Variants in TRAPPC10 observed in about 807,000 individuals in gnomAD.
TRAPPC10 encodes the protein TRAPP 130 kDa subunit.
TRAPPC10 carries 23 observed loss-of-function variants against 125.5 expected under a neutral mutation model. That is an observed-to-expected ratio of 0.18 (90% CI 0.13 to 0.26). The LOEUF is 0.26. TRAPPC10 is among the 10% of genes least tolerant of loss of function. The pLI is 1.00. For synonymous variants in TRAPPC10, 509 were observed against 518.0 expected, an observed-to-expected ratio of 0.98 and a Z score of 0.24; for missense variants, 1,123 against 1,308.4, an observed-to-expected ratio of 0.86 and a Z score of 2.19.
At position 44,079,966 on chromosome 21, in the gene TRAPPC10, C is replaced by G. The variant is rs201612561; in HGVS notation, c.1611-49C>G. On this transcript the variant is annotated intron_variant, in intron 12 of 22. Coordinates refer to ENST00000291574, the MANE Select transcript of TRAPPC10 (RefSeq NM_003274.5). Reference sequence around the variant, plus strand: ...AGGAGACTTTGCATCCACTTCCCCCCGCACTCCTAAGTATGAGCCTCTCCA... The same window carrying G: ...AGGAGACTTTGCATCCACTTCCCCCGGCACTCCTAAGTATGAGCCTCTCCA... 293 of 1,522,096 alleles carry G rather than the reference C, an allele frequency of 1.9e-4. 1 individual carries two copies. The highest frequency in any genetic ancestry group is 1.2e-3 in the East Asian group (52 of 44,068). The allele number at this position is 1,522,096 out of a possible 1,614,324, so 94.3% of individuals were successfully genotyped here.
chr21:44,068,319 C>T (rs143509189), intron 7 of TRAPPC10, among the ~76,000 whole-genome samples: 5 of 152,096 alleles, frequency 3.3e-5, no homozygotes, highest in South Asian at 2.1e-4. Context: ...CGGGAGAGTG[C>T]GTTTCAGGTG....
Position 44,087,607 on chromosome 21 carries a change from T to C in TRAPPC10, c.2540-92T>C. 8.8e-7 allele frequency: 1 copy of C among 1,136,578 alleles called. No homozygotes were observed. The highest frequency in any genetic ancestry group is 1.3e-6 in the Non-Finnish European group (1 of 772,562). The allele number at this position is 1,136,578 out of a possible 1,614,324, so 70.4% of individuals were successfully genotyped here. On this transcript the variant is annotated intron_variant, in intron 16 of 22. Transcript: ENST00000291574. This position sits in a 1 kb window ranked among gnomAD's most constrained non-coding sequence, Gnocchi z 4.6. ...CGCAGGAGCGGGAGAGGTTGAGCAG[T>C]GGCCTCACTGCTGGGCCATCACCTG...
chr21:44,012,708 C>CG (rs2031264036), intron 1 of TRAPPC10, 148 bp downstream of exon 1: 2 of 662,882 alleles, frequency 3.0e-6, no homozygotes, highest in East Asian at 7.3e-5. Flanking sequence ...GCGGCTGAGG[C>CG]GGGGCCCTCT....
intron 15 of TRAPPC10, among the ~76,000 whole-genome samples, chr21:44,086,400 G>T (rs1055510255): frequency 2.6e-5 from 4 of 152,182 alleles, no homozygotes; most frequent in African/African-American, 9.7e-5. Flanking sequence ...AGAAGGTTTT[G>T]AATATTTGAG....
At chr21:44,049,875 T>TTTC (rs1330298955) in intron 3 of TRAPPC10, among the ~76,000 whole-genome samples, 1 of 123,978 alleles carries the variant, frequency 8.1e-6, no homozygotes, top group South Asian at 2.6e-4. Flanking sequence ...GTTTTCTTTC[T>TTTC]TTCTTTTTTT....
chr21:44,100,877 C>G lies in TRAPPC10; in HGVS notation c.3347-1901C>G, dbSNP rs191446954. 4.2e-3 allele frequency among the ~76,000 whole-genome samples: 235 copies of G among 56,340 alleles called. 51 individuals carry two copies. Among genetic ancestry groups the G allele is most frequent in the African/African-American group, 7.6e-3 (204 of 26,732 alleles). 37.0% of individuals were successfully genotyped at this position (56,340 alleles called of 152,430 possible). Reference sequence around the variant, plus strand: ...AATTAAATCAAGAACCAACATTGGCCGGGTGCAGTGGCTCACGCCTGTAAT... The same window carrying G: ...AATTAAATCAAGAACCAACATTGGCGGGGTGCAGTGGCTCACGCCTGTAAT... On this transcript the variant is annotated intron_variant, in intron 21 of 22. Coordinates refer to ENST00000291574, the MANE Select transcript of TRAPPC10 (RefSeq NM_003274.5).
At chr21:44,027,297 C>G (rs1187221942) in intron 1 of TRAPPC10, among the ~76,000 whole-genome samples, 2 of 152,156 alleles carry the variant, frequency 1.3e-5, no homozygotes, top group Admixed American at 6.5e-5. Flanking sequence ...CTTAGCCACT[C>G]TCTCAGGGTT....
intron 1 of TRAPPC10, among the ~76,000 whole-genome samples, chr21:44,016,773 C>T (rs966953921): frequency 4.6e-5 from 7 of 152,168 alleles, no homozygotes; most frequent in Non-Finnish European, 8.8e-5. Context: ...ATTCTCCTGC[C>T]TCAGCCTTCC....
At position 44,082,724 on chromosome 21, in the gene TRAPPC10, C is replaced by T. The variant is rs769556198; in HGVS notation, c.1724-64C>T. 22 of 1,576,546 alleles carry T rather than the reference C, an allele frequency of 1.4e-5. No individual in the cohort carries two copies. The highest frequency in any genetic ancestry group is 1.7e-5 in the Non-Finnish European group (20 of 1,155,674). On this transcript the variant is annotated intron_variant, in intron 13 of 22. Coordinates refer to ENST00000291574, the MANE Select transcript of TRAPPC10 (RefSeq NM_003274.5). The surrounding 1 kb of genome is among the most constrained non-coding windows in gnomAD (Gnocchi z 4.4). Reference sequence around the variant, plus strand: ...TCGGTGATCTTACTGTGTCCGCGGCCTGCTGCTGCTTACTGTCAGGAAGTG... The same window carrying T: ...TCGGTGATCTTACTGTGTCCGCGGCTTGCTGCTGCTTACTGTCAGGAAGTG...
chr21:44,040,593 C>T (rs976305690), intron 3 of TRAPPC10, among the ~76,000 whole-genome samples: 1 of 152,048 alleles, frequency 6.6e-6, no homozygotes, highest in Admixed American at 6.6e-5. Flanking sequence ...CTGCCTCCAC[C>T]TCCCAAAGTT....
At chr21:44,039,807 T>C in intron 3 of TRAPPC10, among the ~76,000 whole-genome samples, 1 of 152,166 alleles carries the variant, frequency 6.6e-6, no homozygotes, top group Non-Finnish European at 1.5e-5. Context: ...GAGGTTGCAG[T>C]GAGCCGAGAT....
intron 5 of TRAPPC10, among the ~76,000 whole-genome samples, chr21:44,057,985 C>G (rs2838474): frequency 0.35 from 53,850 of 152,168 alleles, 12,885 homozygotes; most frequent in African/African-American, 0.68. Context: ...ACCTGTTGCC[C>G]TCTCTTTTCA....
In TRAPPC10 at chr21:44,021,838, G is replaced by C. The variant is rs186886520; in HGVS notation, c.67+9278G>C. ...AAGGCCACCTGAGGATAACAGCAAG[G>C]AAGTGGCTGTCTGCAGTCTGTAACA... On this transcript the variant is annotated intron_variant, in intron 1 of 22. Coordinates refer to ENST00000291574, the MANE Select transcript of TRAPPC10 (RefSeq NM_003274.5). Among the ~76,000 whole-genome samples the C allele has an allele frequency of 4.4e-3, 668 of 152,256 alleles. 4 individuals carry two copies. Among genetic ancestry groups the C allele is most frequent in the Non-Finnish European group, 5.5e-3 (371 of 68,024 alleles).
In TRAPPC10 at chr21:44,063,669, A is replaced by C. The variant is rs1440740526; in HGVS notation, c.922A>C (p.Ser308Arg). ...AGAAGCCACCCTGTTAGATCTGCGC[A>C]GTTACCTGTTCTCTCGCCAGTGCAC... ...RREATLLDLR[S>R]YLFSRQCTLL... Residue 308 changes from serine (S) to arginine (R), a missense_variant, in exon 7 of 23, where the codon AGT becomes CGT. By Grantham distance (110) the Ser-to-Arg change is moderately radical (BLOSUM62 -1). Transcript: ENST00000291574. The surrounding 1 kb of genome is among the most constrained non-coding windows in gnomAD (Gnocchi z 4.4). 3 of 1,614,242 alleles carry C rather than the reference A, an allele frequency of 1.9e-6. No homozygotes were observed. The highest frequency in any genetic ancestry group is 1.7e-5 in the Admixed American group (1 of 60,028).
At chr21:44,019,255 G>A (rs2032225114) in intron 1 of TRAPPC10, among the ~76,000 whole-genome samples, 1 of 152,120 alleles carries the variant, frequency 6.6e-6, no homozygotes, top group Non-Finnish European at 1.5e-5. Context: ...TCGCCATGTT[G>A]CCCAGGCACG....
At chr21:44,052,507 G>A (rs772615058) in intron 4 of TRAPPC10, 31 bp downstream of exon 4, 2 of 1,561,028 alleles carry the variant, frequency 1.3e-6, no homozygotes, top group South Asian at 1.2e-5. Context: ...ACCTCATTTG[G>A]TTAATACTTG....
At chr21:44,041,922 C>T (rs759122867) in intron 3 of TRAPPC10, among the ~76,000 whole-genome samples, 3 of 152,006 alleles carry the variant, frequency 2.0e-5, no homozygotes, top group Non-Finnish European at 2.9e-5. Context: ...GATGGGGTTT[C>T]ACCATGTTGG....
At chr21:44,081,305 A>G (rs1374569555) in intron 13 of TRAPPC10, among the ~76,000 whole-genome samples, 1 of 151,766 alleles carries the variant, frequency 6.6e-6, no homozygotes, top group Non-Finnish European at 1.5e-5. Context: ...GGACTACAGG[A>G]GCATACCACC....
chr21:44,016,901 C>T (rs1055243581), intron 1 of TRAPPC10, among the ~76,000 whole-genome samples: 9 of 152,146 alleles, frequency 5.9e-5, no homozygotes, highest in South Asian at 2.1e-4. Context: ...GTGATCTGCC[C>T]GCCTCAGCCT....
Sources: gnomAD v4.1 joint callset for allele counts (sites outside exome capture counted in the v4.1 genomes callset) on GRCh38, gnomAD v4.1.1 for gene constraint, Gnocchi (gnomAD v3.1) non-coding constraint, MANE v1.5 for transcripts, NCBI Gene and HGNC (gene_info 2026-07-23, HGNC 2026-07-21) for gene names.